Variants in TASP1 observed in about 807,000 individuals in gnomAD.
TASP1 encodes taspase 1.
In TASP1, 16 loss-of-function variants were observed where a neutral mutation model predicts 56.6. That is an observed-to-expected ratio of 0.28 (90% confidence interval 0.19 to 0.43). The LOEUF (loss-of-function observed/expected upper bound fraction) is 0.43, where lower values mean the gene tolerates loss of function less well. Ranked by LOEUF, TASP1 falls within the 20% of genes least tolerant of loss-of-function variation. TASP1 has a pLI of 1.00. For synonymous variants in TASP1, 179 were observed against 184.2 expected (o/e 0.97, Z 0.23); for missense variants, 393 against 511.6 (o/e 0.77, Z 2.24).
chr20:13,432,922 C>G (rs1254549901), intron 12 of TASP1, among the ~76,000 whole-genome samples: 2 of 151,738 alleles, frequency 1.3e-5, no homozygotes, highest in African/African-American at 2.4e-5. Context: ...ATTTTAATGC[C>G]CCCCCCAACC....
At chr20:13,596,240 T>C (rs1042979847) in intron 4 of TASP1, among the ~76,000 whole-genome samples, 16 of 151,922 alleles carry the variant, frequency 1.1e-4, no homozygotes, top group Non-Finnish European at 2.4e-4. Context: ...CCAGGCATGG[T>C]GGCGCATGCC....
chr20:13,253,291 G>A, the TASP1 span, among the ~76,000 whole-genome samples: 1 of 152,204 alleles, frequency 6.6e-6, no homozygotes, highest in Admixed American at 6.5e-5. Context: ...CCCAGAGGGT[G>A]AGGAGCTCTG....
chr20:13,478,702 G>C (rs987238740), intron 11 of TASP1, among the ~76,000 whole-genome samples: 2 of 151,922 alleles, frequency 1.3e-5, no homozygotes, highest in Admixed American at 1.3e-4. Flanking sequence ...AACTGCACTT[G>C]AACCCCTTAA....
the TASP1 span, among the ~76,000 whole-genome samples, chr20:13,321,253 TA>T: frequency 0.35 from 20,211 of 57,168 alleles, 1,750 homozygotes; most frequent in East Asian, 0.59. Context: ...GTGCCCCACA[TA>T]AAAAAAAAAA....
At chr20:13,384,104 A>G in the TASP1 span, among the ~76,000 whole-genome samples, 2 of 152,240 alleles carry the variant, frequency 1.3e-5, no homozygotes, top group Admixed American at 1.3e-4. Flanking sequence ...TGGATTTTCC[A>G]AGGCCAGGAA....
intron 10 of TASP1, among the ~76,000 whole-genome samples, chr20:13,519,039 A>C (rs1235907262): frequency 1.3e-5 from 2 of 152,180 alleles, no homozygotes; most frequent in Non-Finnish European, 2.9e-5. Flanking sequence ...ACATGGATGT[A>C]GTTGGAGGTC....
chr20:13,140,735 CTA>C, the TASP1 span, among the ~76,000 whole-genome samples: 1 of 152,086 alleles, frequency 6.6e-6, no homozygotes, highest in South Asian at 2.1e-4. Context: ...TTTTAAGTAA[CTA>C]TTAATTTTTG....
intron 9 of TASP1, among the ~76,000 whole-genome samples, chr20:13,532,354 C>T (rs1247180870): frequency 6.6e-6 from 1 of 152,158 alleles, no homozygotes; most frequent in Non-Finnish European, 1.5e-5. Context: ...TTTGATATAA[C>T]TTGCTTTTGT....
At chr20:13,567,228 T>C (rs975040112) in intron 7 of TASP1, among the ~76,000 whole-genome samples, 1 of 150,754 alleles carries the variant, frequency 6.6e-6, no homozygotes, top group Non-Finnish European at 1.5e-5. Context: ...TGGAAACACA[T>C]GGACACACAG....
chr20:13,140,118 G>A, the TASP1 span, among the ~76,000 whole-genome samples: 1 of 152,184 alleles, frequency 6.6e-6, no homozygotes, highest in Non-Finnish European at 1.5e-5. Context: ...AGTAGCTCTG[G>A]AAGTCATGCC....
At chr20:13,345,916 T>TAAAAAAAAAAAA in the TASP1 span, among the ~76,000 whole-genome samples, 2 of 101,330 alleles carry the variant, frequency 2.0e-5, no homozygotes, top group Non-Finnish European at 2.1e-5. Flanking sequence ...CTCAGTAGGT[T>TAAAAAAAAAAAA]AAAAAAAAAA....
At chr20:13,566,058 A>G (rs1243957009) in intron 7 of TASP1, among the ~76,000 whole-genome samples, 1 of 152,222 alleles carries the variant, frequency 6.6e-6, no homozygotes, top group Non-Finnish European at 1.5e-5. Flanking sequence ...TGAACCTTGA[A>G]GAAGTCATGC....
At chr20:13,375,827 G>A in the TASP1 span, among the ~76,000 whole-genome samples, 2 of 152,070 alleles carry the variant, frequency 1.3e-5, no homozygotes, top group Admixed American at 1.3e-4. Flanking sequence ...CATTTCTCTA[G>A]TAACTAGTGA....
intron 11 of TASP1, among the ~76,000 whole-genome samples, chr20:13,478,641 GTTACACT>G (rs1337665120): frequency 2.6e-5 from 4 of 152,030 alleles, no homozygotes; most frequent in Non-Finnish European, 5.9e-5. Flanking sequence ...TCAGGTGATG[GTTACACT>G]GAAAGCCCAG....
chr20:13,542,724 T>C (rs569929519), intron 8 of TASP1, among the ~76,000 whole-genome samples: 1 of 152,198 alleles, frequency 6.6e-6, no homozygotes, highest in East Asian at 1.9e-4. Flanking sequence ...AAAATTCTTC[T>C]AAATAATTTA....
At chr20:13,250,011 T>C in the TASP1 span, among the ~76,000 whole-genome samples, 1 of 152,188 alleles carries the variant, frequency 6.6e-6, no homozygotes, top group Admixed American at 6.5e-5. Flanking sequence ...TGGATTTCCA[T>C]CGATCGCTTC....
At chr20:13,247,517 G>GTGTGT in the TASP1 span, among the ~76,000 whole-genome samples, 33 of 139,912 alleles carry the variant, frequency 2.4e-4, 1 homozygote, top group African/African-American at 8.3e-4. Context: ...CAAAGTGAGG[G>GTGTGT]GTGTGTGTGT....
At chr20:13,418,101 G>A (rs1447665839) in intron 12 of TASP1, among the ~76,000 whole-genome samples, 6 of 152,040 alleles carry the variant, frequency 3.9e-5, no homozygotes, top group Non-Finnish European at 7.4e-5. Context: ...TAGTAGAGAC[G>A]GGGTTTCACC....
chr20:13,577,504 A>G lies in TASP1; in HGVS notation c.488+3393T>C, dbSNP rs2046965567. ...TGTTGAAACCCTAGCCCTCAGTGTG[A>G]TAATATTTGGAGATGGGGCCTTTGG... On this transcript the variant is annotated intron_variant, in intron 6 of 13. Transcript: ENST00000337743. Among the ~76,000 whole-genome samples the G allele has an allele frequency of 2.0e-5, 3 of 152,172 alleles. 1 individual carries two copies. Among genetic ancestry groups the G allele is most frequent in the South Asian group, 2.1e-4 (1 of 4,818 alleles).
Sources: gnomAD v4.1 joint callset for allele counts (sites outside exome capture counted in the v4.1 genomes callset) on GRCh38, gnomAD v4.1.1 for gene constraint, MANE v1.5 for transcripts, NCBI Gene and HGNC (gene_info 2026-07-23, HGNC 2026-07-21) for gene names.